The following PAH variants were observed in gnomAD, a reference collection of about 807,000 sequenced individuals.
PAH encodes the protein phenylalanine hydroxylase.
In PAH, 64 loss-of-function variants were observed where a neutral mutation model predicts 62.0. The ratio of observed to expected loss-of-function variants is 1.03; its 90% CI spans 0.84 to 1.27. The LOEUF is 1.27. Ranked by LOEUF, PAH falls within the 50% of genes most tolerant of loss-of-function variation. PAH has a pLI of 0.00. For missense variants in PAH, 579 were observed against 542.8 expected (o/e 1.07, Z -0.66); for synonymous variants, 195 against 196.2 (o/e 0.99, Z 0.05).
At chr12:102,879,532 A>G (rs1718303) in intron 3 of PAH, among the ~76,000 whole-genome samples, 49,059 of 150,812 alleles carry the variant, frequency 0.33, 8,501 homozygotes, top group Non-Finnish European at 0.39. Context: ...TGCAGAGCTG[A>G]GGAACCTAGG....
Position 102,855,378 on chromosome 12 carries a change from C to T in PAH, c.510-46G>A, listed in dbSNP as rs147834329. 56 of 1,527,798 alleles carry T rather than the reference C, an allele frequency of 3.7e-5. No individual in the cohort carries two copies. In the African/African-American group the frequency reaches 7.5e-4, roughly 20 times the overall value. The allele number at this position is 1,527,798 out of a possible 1,614,324, so 94.6% of individuals were successfully genotyped here. On this transcript the variant is annotated intron_variant, in intron 5 of 12. Transcript: ENST00000553106. ...AGGTGTCTCAAGCAGGGCAGGGGCA[C>T]AGCAGAACGCAGGTTAGGTTAGCAG... is the stretch of plus-strand genomic sequence containing the variant.
chr12:102,861,066 A>C (rs1875693484), intron 5 of PAH, among the ~76,000 whole-genome samples: 1 of 152,200 alleles, frequency 6.6e-6, no homozygotes, highest in Non-Finnish European at 1.5e-5. Context: ...AATGGGAGAA[A>C]ATTTTTGCAA....
chr12:102,881,063 G>C (rs962771515), intron 3 of PAH, among the ~76,000 whole-genome samples: 4 of 150,474 alleles, frequency 2.7e-5, no homozygotes, highest in African/African-American at 9.7e-5. Flanking sequence ...ACCCAGGCTG[G>C]AGTGCAGTGT....
chr12:102,884,794 A>T (rs1876962351), intron 3 of PAH, among the ~76,000 whole-genome samples: 1 of 152,164 alleles, frequency 6.6e-6, no homozygotes, highest in Admixed American at 6.5e-5. Flanking sequence ...AAAAGGTAGG[A>T]CTACCCTTTT....
chr12:102,956,334 TC>T (rs1879910393), intron 1 of PAH, among the ~76,000 whole-genome samples: 1 of 152,178 alleles, frequency 6.6e-6, no homozygotes, highest in Non-Finnish European at 1.5e-5. Flanking sequence ...TCCCCAGACG[TC>T]CTGAAGCTGG....
At chr12:102,858,978 C>T (rs1468245522) in intron 5 of PAH, among the ~76,000 whole-genome samples, 1 of 151,900 alleles carries the variant, frequency 6.6e-6, no homozygotes, top group African/African-American at 2.4e-5. Flanking sequence ...GAGATCAGAG[C>T]AGAACTGAAG....
At chr12:102,844,832 T>C (rs1215481393) in intron 9 of PAH, among the ~76,000 whole-genome samples, 1 of 152,202 alleles carries the variant, frequency 6.6e-6, no homozygotes, top group Non-Finnish European at 1.5e-5. Flanking sequence ...GACTGAGAGC[T>C]ATACCATCAA....
intron 1 of PAH, among the ~76,000 whole-genome samples, chr12:102,938,677 T>C (rs1200166613): frequency 6.6e-6 from 1 of 152,198 alleles, no homozygotes; most frequent in Non-Finnish European, 1.5e-5. Flanking sequence ...AGACCCTTAG[T>C]TGCTGCTGCT....
intron 1 of PAH, among the ~76,000 whole-genome samples, chr12:102,948,019 C>A (rs1879573292): frequency 1.3e-5 from 2 of 152,240 alleles, no homozygotes; most frequent in South Asian, 4.2e-4. Context: ...ACTCAGCCCC[C>A]CTCATCCAGA....
chr12:102,920,228 C>G (rs1463808502), upstream of PAH, among the ~76,000 whole-genome samples: 1 of 152,272 alleles, frequency 6.6e-6, no homozygotes, highest in African/African-American at 2.4e-5. Context: ...GTGCCATAAA[C>G]TTGCAGATGA....
chr12:102,846,785 G>T, intron 9 of PAH, 110 bp downstream of exon 9: 1 of 853,380 alleles, frequency 1.2e-6, no homozygotes, highest in Non-Finnish European at 2.0e-6. Flanking sequence ...ACCACATTCT[G>T]ATTTTTTTCC....
intron 2 of PAH, among the ~76,000 whole-genome samples, chr12:102,909,131 G>A (rs1295258284): frequency 6.6e-6 from 1 of 151,982 alleles, no homozygotes; most frequent in Non-Finnish European, 1.5e-5. Context: ...CCTGGCCCTA[G>A]TCTTCATGCC....
At chr12:102,923,341 C>G (rs1364516526) in intron 1 of PAH, among the ~76,000 whole-genome samples, 1 of 152,214 alleles carries the variant, frequency 6.6e-6, no homozygotes, top group African/African-American at 2.4e-5. Context: ...TGACTGTATA[C>G]AACAAACTTG....
intron 2 of PAH, 71 bp from the exon 3 acceptor site, chr12:102,894,989 A>T: frequency 8.9e-7 from 1 of 1,122,936 alleles, no homozygotes; most frequent in Admixed American, 1.7e-5. Context: ...GCAGAACCAG[A>T]ACAGGAAAAC....
intron 1 of PAH, among the ~76,000 whole-genome samples, chr12:102,916,009 G>T (rs1476671997): frequency 6.6e-6 from 1 of 152,024 alleles, no homozygotes; most frequent in Admixed American, 6.5e-5. Flanking sequence ...CAGTTGTGGG[G>T]ACCGTATTGC....
chr12:102,942,363 G>A (rs1879325881), intron 1 of PAH, among the ~76,000 whole-genome samples: 1 of 152,052 alleles, frequency 6.6e-6, no homozygotes, highest in South Asian at 2.1e-4. Flanking sequence ...AGCTAACCAG[G>A]GAGGTGAAAG....
chr12:102,840,243 T>C (rs1226105359), intron 12 of PAH, among the ~76,000 whole-genome samples, 157 bp downstream of exon 12: 1 of 152,202 alleles, frequency 6.6e-6, no homozygotes, highest in African/African-American at 2.4e-5. Context: ...TTTTGTCAAG[T>C]TCTTCTCCAT....
chr12:102,958,146 C>T, intron 1 of PAH: 1 of 879,218 alleles, frequency 1.1e-6, no homozygotes, highest in Non-Finnish European at 1.6e-6. Context: ...CTTTCCCTCT[C>T]TGTTCCTGCA....
intron 2 of PAH, among the ~76,000 whole-genome samples, chr12:102,895,621 C>T (rs1316375721): frequency 2.6e-5 from 4 of 151,876 alleles, no homozygotes; most frequent in African/African-American, 7.3e-5. Flanking sequence ...CCGAGGTGGG[C>T]AGATTGCCTG....
Sources: allele counts gnomAD v4.1 joint callset (sites outside exome capture counted in the v4.1 genomes callset), GRCh38; gene constraint gnomAD v4.1.1; transcripts MANE v1.5; gene names NCBI Gene and HGNC (gene_info 2026-07-23, HGNC 2026-07-21).